ZFHX3: variants seen among roughly 807,000 people sequenced by gnomAD.
ZFHX3 encodes zinc finger homeobox 3, also known as zinc finger homeobox protein 3.
A neutral mutation model predicts 279.1 loss-of-function variants in ZFHX3; 42 were observed. The ratio of observed to expected loss-of-function variants is 0.15; its 90% confidence interval spans 0.12 to 0.19. The LOEUF (loss-of-function observed/expected upper bound fraction) is 0.19, where lower values mean the gene tolerates loss of function less well. Ranked by LOEUF, ZFHX3 falls within the 10% of genes least tolerant of loss-of-function variation. The pLI, the probability that ZFHX3 is intolerant of heterozygous loss-of-function variation, is 1.00. For synonymous variants in ZFHX3, 2,293 were observed against 1,957.8 expected, an observed-to-expected ratio of 1.17 and a Z score of -4.52; for missense variants, 4,981 against 4,754.0, an observed-to-expected ratio of 1.05 and a Z score of -1.40.
At chr16:73,688,402 C>A (rs2053113813) in intron 1 of ZFHX3, among the ~76,000 whole-genome samples, 1 of 150,224 alleles carries the variant, frequency 6.7e-6, no homozygotes, top group South Asian at 2.1e-4. Context: ...AATCCCCATG[C>A]AAGTATTAAG....
Position 72,788,419 on chromosome 16 carries a change from G to GC in ZFHX3, c.9856dup (p.Ala3286GlyfsTer145), listed in dbSNP as rs753114706. ...CGCGGCCTGCAGGGCCTGCAGCTGTGCAGGGTCTACCGCATACTCCATGGT... is the reference window on the plus strand; with the variant it reads ...CGCGGCCTGCAGGGCCTGCAGCTGTGCCAGGGTCTACCGCATACTCCATGGT... On this transcript the variant is annotated frameshift_variant, in exon 10 of 10. Transcript: ENST00000268489. LOFTEE classifies it high-confidence loss of function. 6.2e-7 allele frequency: 1 copy of GC among 1,614,238 alleles called. No individual in the cohort carries two copies. Among genetic ancestry groups the GC allele is most frequent in the Non-Finnish European group, 8.5e-7 (1 of 1,180,044 alleles).
intron 4 of ZFHX3, among the ~76,000 whole-genome samples, chr16:73,283,882 G>A (rs1229543458): frequency 2.6e-5 from 4 of 152,116 alleles, no homozygotes; most frequent in Admixed American, 1.3e-4. Context: ...CCAGGAGTTC[G>A]AATTCGCAAT....
In ZFHX3 at chr16:73,537,021, C is replaced by G. The variant is rs368013886; in HGVS notation, c.-1546-80763G>C. On this transcript the variant is annotated intron_variant, in intron 2 of 17. Coordinates refer to the ZFHX3 transcript ENST00000641206. ...CATGTTAATTTGCCTTAGGGTTTAT[C>G]TGAGCTGAGCATCCAAGAGATACCA... Among the ~76,000 whole-genome samples the G allele has an allele frequency of 3.3e-5, 5 of 152,154 alleles. No homozygotes were observed. The East Asian group carries it at 5.8e-4, about 18-fold the overall frequency.
chr16:73,532,306 GA>G (rs2019819694), intron 2 of ZFHX3, among the ~76,000 whole-genome samples: 1 of 152,106 alleles, frequency 6.6e-6, no homozygotes, highest in Non-Finnish European at 1.5e-5. Flanking sequence ...TATATGGGGA[GA>G]CCCTTTTCGT....
chr16:73,048,421 T>TG (rs1034682784), upstream of ZFHX3: 6 of 151,580 alleles, frequency 4.0e-5, no homozygotes, highest in Non-Finnish European at 8.8e-5. Context: ...GCGCGGGCCT[T>TG]GGGGCAGGCC....
At chr16:72,990,394 A>G (rs144721994) in intron 1 of ZFHX3, among the ~76,000 whole-genome samples, 5 of 152,310 alleles carry the variant, frequency 3.3e-5, no homozygotes, top group African/African-American at 1.2e-4. Context: ...AGTCTCACAC[A>G]TCGTGCCCCT....
intron 2 of ZFHX3, among the ~76,000 whole-genome samples, chr16:73,516,822 T>G (rs1187577048): frequency 2.0e-5 from 3 of 152,190 alleles, no homozygotes; most frequent in Non-Finnish European, 2.9e-5. Context: ...CTGAATAGTT[T>G]GGGTGGATGG....
chr16:73,294,601 A>C (rs1262800191), intron 4 of ZFHX3, among the ~76,000 whole-genome samples: 1 of 151,988 alleles, frequency 6.6e-6, no homozygotes, highest in African/African-American at 2.4e-5. Flanking sequence ...ACCTGAGGTC[A>C]GGAGCTTGAG....
intron 3 of ZFHX3, among the ~76,000 whole-genome samples, chr16:72,921,493 G>A (rs1012997594): frequency 6.6e-6 from 1 of 152,238 alleles, no homozygotes; most frequent in African/African-American, 2.4e-5. Context: ...GGATGCTTGG[G>A]TGCTAGCCAA....
At chr16:73,699,753 C>A (rs2053229899) in intron 1 of ZFHX3, among the ~76,000 whole-genome samples, 1 of 152,126 alleles carries the variant, frequency 6.6e-6, no homozygotes, top group Non-Finnish European at 1.5e-5. Context: ...CCAGGTGGTA[C>A]CTCTTACTTG....
intron 6 of ZFHX3, 21 bp from the exon 7 acceptor site, chr16:72,811,798 G>C: frequency 6.2e-7 from 1 of 1,608,374 alleles, no homozygotes; most frequent in Non-Finnish European, 8.5e-7. Flanking sequence ...CACACCCACT[G>C]CTTTGAGCAA....
intron 1 of ZFHX3, among the ~76,000 whole-genome samples, chr16:73,863,447 A>C (rs1330331825): frequency 6.6e-6 from 1 of 152,162 alleles, no homozygotes; most frequent in African/African-American, 2.4e-5. Context: ...GAGATGGCTT[A>C]TATAAACCAA....
At chr16:73,443,378 G>A (rs750784059) in intron 3 of ZFHX3, among the ~76,000 whole-genome samples, 17 of 152,102 alleles carry the variant, frequency 1.1e-4, no homozygotes, top group East Asian at 9.7e-4. Context: ...CAGAGTTCCC[G>A]GACATGATAA....
chr16:73,622,191 G>A (rs2052369616), intron 2 of ZFHX3, among the ~76,000 whole-genome samples: 1 of 152,124 alleles, frequency 6.6e-6, no homozygotes, highest in South Asian at 2.1e-4. Flanking sequence ...AAGAAAAATA[G>A]CATCCTTGTT....
intron 5 of ZFHX3, among the ~76,000 whole-genome samples, chr16:73,164,390 ATG>A (rs1484554114): frequency 2.6e-5 from 4 of 152,172 alleles, no homozygotes; most frequent in Non-Finnish European, 4.4e-5. Flanking sequence ...CCCAAAAACA[ATG>A]TGGCTGATGC....
chr16:73,454,523 T>C (rs2018337098), intron 3 of ZFHX3, among the ~76,000 whole-genome samples: 1 of 151,202 alleles, frequency 6.6e-6, no homozygotes, highest in Admixed American at 6.6e-5. Context: ...TTGACTTAGG[T>C]TAGTTAGCAA....
chr16:73,101,564 A>AT (rs918606601), intron 7 of ZFHX3, among the ~76,000 whole-genome samples: 125 of 149,288 alleles, frequency 8.4e-4, no homozygotes, highest in Middle Eastern at 3.4e-3. Context: ...ATTTTTTTAA[A>AT]TTTTTTTTTT....
chr16:73,626,350 G>C (rs1445083268), intron 2 of ZFHX3, among the ~76,000 whole-genome samples: 1 of 151,950 alleles, frequency 6.6e-6, no homozygotes, highest in Non-Finnish European at 1.5e-5. Context: ...TGGTTTCCTT[G>C]AATCCATGTG....
chr16:73,289,302 G>C (rs1024524819), intron 4 of ZFHX3, among the ~76,000 whole-genome samples: 4 of 152,000 alleles, frequency 2.6e-5, no homozygotes, highest in African/African-American at 9.7e-5. Context: ...ATATGTGTGT[G>C]TTCCTGCTCC....
Sources: allele counts gnomAD v4.1 joint callset (sites outside exome capture counted in the v4.1 genomes callset), GRCh38; gene constraint gnomAD v4.1.1; transcripts MANE v1.5; gene names NCBI Gene and HGNC (gene_info 2026-07-23, HGNC 2026-07-21).